CDKL3: variants seen among roughly 807,000 people sequenced by gnomAD.
The protein encoded by CDKL3 is cyclin-dependent kinase-like 3.
Under a neutral mutation model 69.3 loss-of-function variants are expected in CDKL3, and 65 were observed. The observed-to-expected ratio is 0.94, with a 90% confidence interval of 0.77 to 1.15. The LOEUF is 1.15. Among genes scored for constraint, CDKL3 ranks in the 50% most tolerant of loss-of-function variants. The pLI, the probability that CDKL3 is intolerant of heterozygous loss-of-function variation, is 0.00. For missense variants in CDKL3, 652 were observed against 689.2 expected (o/e 0.95, Z 0.61); for synonymous variants, 202 against 221.6 (o/e 0.91, Z 0.79).
At chr5:134,344,079 GACA>G (rs1218584229) in intron 4 of CDKL3, among the ~76,000 whole-genome samples, 2 of 152,148 alleles carry the variant, frequency 1.3e-5, no homozygotes, top group Non-Finnish European at 2.9e-5. Context: ...ATGGTGCTGG[GACA>G]ACAACTGGAT....
intron 2 of CDKL3, among the ~76,000 whole-genome samples, chr5:134,363,519 G>T (rs1051828428): frequency 1.4e-5 from 2 of 147,924 alleles, no homozygotes; most frequent in Non-Finnish European, 3.0e-5. Context: ...GGAGTGCAGT[G>T]GCGCAATCTC....
intron 3 of CDKL3, among the ~76,000 whole-genome samples, chr5:134,358,484 G>A (rs1240405490): frequency 2.0e-5 from 3 of 152,058 alleles, no homozygotes; most frequent in Non-Finnish European, 4.4e-5. Flanking sequence ...CAGATACAAA[G>A]ATAACACCAC....
intron 3 of CDKL3, among the ~76,000 whole-genome samples, chr5:134,358,606 A>C (rs1257328571): frequency 6.6e-6 from 1 of 150,690 alleles, no homozygotes; most frequent in Non-Finnish European, 1.5e-5. Flanking sequence ...TTATTTATTT[A>C]TTTATTTATT....
chr5:134,342,676 T>G (rs999742404), intron 4 of CDKL3, among the ~76,000 whole-genome samples: 1 of 151,530 alleles, frequency 6.6e-6, no homozygotes, highest in African/African-American at 2.4e-5. Flanking sequence ...AATTCACAGA[T>G]TAGAATAAGA....
chr5:134,363,142 A>G (rs1422528782), intron 2 of CDKL3, among the ~76,000 whole-genome samples: 2 of 152,152 alleles, frequency 1.3e-5, no homozygotes, highest in East Asian at 1.9e-4. Flanking sequence ...GCCTTGGGGG[A>G]AAAAAATCTC....
chr5:134,340,559 A>G (rs1445197036), intron 4 of CDKL3, among the ~76,000 whole-genome samples: 2 of 152,190 alleles, frequency 1.3e-5, no homozygotes, highest in African/African-American at 4.8e-5. Flanking sequence ...CAGAAATTAA[A>G]AAGATTATAA....
At position 134,351,405 on chromosome 5, in the gene CDKL3, ACT is replaced by A. The variant is rs372666867; in HGVS notation, c.361-980_361-979del. Among the ~76,000 whole-genome samples the A allele has an allele frequency of 3.3e-3, 499 of 151,866 alleles. 1 individual carries two copies. Among genetic ancestry groups the A allele is most frequent in the African/African-American group, 0.011 (472 of 41,388 alleles). ...TGGCTGCTCCATCTCAATCTGATCAACTCTTTTTAAGAAATTATTTTTTAAAG... is the reference window on the plus strand; with the variant it reads ...TGGCTGCTCCATCTCAATCTGATCAACTTTTTAAGAAATTATTTTTTAAAG... On this transcript the variant is annotated intron_variant, in intron 3 of 12. Coordinates refer to ENST00000265334, the MANE Select transcript of CDKL3 (RefSeq NM_001113575.2).
At chr5:134,326,066 C>G (rs1013820221) in intron 4 of CDKL3, among the ~76,000 whole-genome samples, 7 of 151,948 alleles carry the variant, frequency 4.6e-5, no homozygotes, top group African/African-American at 1.7e-4. Flanking sequence ...AGCCACTGCA[C>G]CATGCCAAAG....
intron 8 of CDKL3, among the ~76,000 whole-genome samples, chr5:134,290,625 T>C (rs1300497461): frequency 6.6e-6 from 1 of 152,066 alleles, no homozygotes; most frequent in Non-Finnish European, 1.5e-5. Context: ...TTGTGATGTC[T>C]GTGGCTTTTA....
At chr5:134,315,153 G>A (rs1202743075) in intron 6 of CDKL3, among the ~76,000 whole-genome samples, 2 of 151,840 alleles carry the variant, frequency 1.3e-5, no homozygotes, top group South Asian at 4.2e-4. Flanking sequence ...ACCCACACAT[G>A]TATAAGCATT....
upstream of CDKL3, chr5:134,371,539 G>A (rs889991690): frequency 1.2e-5 from 19 of 1,588,484 alleles, no homozygotes; most frequent in East Asian, 4.6e-5. Context: ...GCCGGGGGGT[G>A]GGGGGGCTGC....
intron 9 of CDKL3, 137 bp downstream of exon 9, chr5:134,308,001 T>C (rs1190886467): frequency 2.3e-6 from 3 of 1,332,180 alleles, no homozygotes; most frequent in Non-Finnish European, 2.0e-6. Context: ...ACTCAGTAAA[T>C]GGCCCATTAT....
chr5:134,367,078 G>A lies in CDKL3; in HGVS notation c.-123C>T. The A allele has an allele frequency of 1.0e-6, 1 of 986,864 alleles. No homozygotes were observed. The highest frequency in any genetic ancestry group is 1.2e-6 in the Non-Finnish European group (1 of 830,912). 61.1% of individuals were successfully genotyped at this position (986,864 alleles called of 1,614,324 possible). ...TGGTCTGGCTCTGCGTAGTTCCAGTGGAGCCACCGAACACTGATACTACTT... is the reference window on the plus strand; with the variant it reads ...TGGTCTGGCTCTGCGTAGTTCCAGTAGAGCCACCGAACACTGATACTACTT... On this transcript the variant is annotated 5_prime_UTR_variant, in exon 1 of 13. Coordinates refer to ENST00000265334, the MANE Select transcript of CDKL3 (RefSeq NM_001113575.2).
chr5:134,335,939 C>T (rs1310796392), intron 4 of CDKL3, among the ~76,000 whole-genome samples: 1 of 152,212 alleles, frequency 6.6e-6, no homozygotes, highest in African/African-American at 2.4e-5. Context: ...TCCATTCTCC[C>T]TGTCACTTTC....
upstream of CDKL3, chr5:134,371,303 T>A (rs17167484): frequency 7.4e-6 from 4 of 537,618 alleles, no homozygotes; most frequent in Non-Finnish European, 1.3e-5. Context: ...CAAATTTGTC[T>A]ATTACTTCAG....
At chr5:134,351,398 C>T (rs1245508878) in intron 3 of CDKL3, among the ~76,000 whole-genome samples, 1 of 152,118 alleles carries the variant, frequency 6.6e-6, no homozygotes, top group African/African-American at 2.4e-5. Flanking sequence ...CCATCTCAAT[C>T]TGATCAACTC....
At chr5:134,293,334 T>C (rs929617427) in intron 8 of CDKL3, among the ~76,000 whole-genome samples, 2 of 151,958 alleles carry the variant, frequency 1.3e-5, no homozygotes, top group African/African-American at 2.4e-5. Flanking sequence ...ACTGCCAATT[T>C]CTAACAAACA....
chr5:134,337,185 C>T (rs1337023976), intron 4 of CDKL3, among the ~76,000 whole-genome samples: 2 of 152,224 alleles, frequency 1.3e-5, no homozygotes, highest in Admixed American at 6.5e-5. Flanking sequence ...CCTGGTCTGA[C>T]AGTTGCAAAG....
chr5:134,319,935 A>G (rs975866230), intron 5 of CDKL3, among the ~76,000 whole-genome samples: 1 of 152,224 alleles, frequency 6.6e-6, no homozygotes, highest in African/African-American at 2.4e-5. Context: ...AAAAGAAACA[A>G]GGCTAGAGAG....
Sources: allele counts gnomAD v4.1 joint callset (sites outside exome capture counted in the v4.1 genomes callset), GRCh38; gene constraint gnomAD v4.1.1; transcripts MANE v1.5; gene names NCBI Gene and HGNC (gene_info 2026-07-23, HGNC 2026-07-21).